Variants in TIAM1 observed in about 807,000 individuals in gnomAD.
The protein encoded by TIAM1 is rho guanine nucleotide exchange factor TIAM1.
In TIAM1, 65 loss-of-function variants were observed where a neutral mutation model predicts 163.5. The ratio of observed to expected loss-of-function variants is 0.40; its 90% CI spans 0.33 to 0.49. The LOEUF is 0.49. Ranked by LOEUF, TIAM1 falls within the 20% of genes least tolerant of loss-of-function variation. TIAM1 has a pLI of 0.77. For synonymous variants in TIAM1, 833 were observed against 810.1 expected, an observed-to-expected ratio of 1.03 and a Z score of -0.48; for missense variants, 1,789 against 2,044.7, an observed-to-expected ratio of 0.87 and a Z score of 2.41.
intron 2 of TIAM1, among the ~76,000 whole-genome samples, chr21:31,409,314 T>C (rs923929029): frequency 6.6e-6 from 1 of 152,052 alleles, no homozygotes; most frequent in African/African-American, 2.4e-5. Context: ...TTCACTATGT[T>C]GGCCAGGCTG....
At chr21:31,218,895 TA>T (rs1305154324) in intron 8 of TIAM1, among the ~76,000 whole-genome samples, 1 of 152,114 alleles carries the variant, frequency 6.6e-6, no homozygotes, top group Non-Finnish European at 1.5e-5. Context: ...GAAGGCACCT[TA>T]CCAGACTTGC....
chr21:31,442,232 G>GT (rs904586823), intron 2 of TIAM1, among the ~76,000 whole-genome samples: 5,994 of 124,898 alleles, frequency 0.048, 217 homozygotes, highest in African/African-American at 0.08. Context: ...GGAGTAGGGA[G>GT]TTTTTTTTTT....
chr21:31,146,263 T>C (rs1023333362), intron 20 of TIAM1, among the ~76,000 whole-genome samples: 1 of 151,594 alleles, frequency 6.6e-6, no homozygotes, highest in Non-Finnish European at 1.5e-5. Flanking sequence ...TGAAACCCCA[T>C]CTCTACCAAA....
chr21:31,173,611 C>T (rs923736190), intron 15 of TIAM1, among the ~76,000 whole-genome samples: 10 of 152,096 alleles, frequency 6.6e-5, no homozygotes, highest in African/African-American at 2.4e-4. Flanking sequence ...CAAATAATAA[C>T]TCCTTTTTAA....
At chr21:31,530,959 A>C (rs1317948079) in intron 1 of TIAM1, among the ~76,000 whole-genome samples, 1 of 152,118 alleles carries the variant, frequency 6.6e-6, no homozygotes, top group Non-Finnish European at 1.5e-5. Context: ...AGTCAATCAC[A>C]GCGCCACTGA....
chr21:31,304,137 CAT>C (rs2074606142), intron 2 of TIAM1, among the ~76,000 whole-genome samples: 1 of 152,140 alleles, frequency 6.6e-6, no homozygotes, highest in Non-Finnish European at 1.5e-5. Flanking sequence ...GAGCTACACA[CAT>C]GTTCATATAC....
At chr21:31,469,653 C>A (rs893819653) in intron 1 of TIAM1, among the ~76,000 whole-genome samples, 1 of 151,786 alleles carries the variant, frequency 6.6e-6, no homozygotes, top group East Asian at 2.0e-4. Flanking sequence ...ACGGTGAAAC[C>A]CCATTTCTAC....
intron 2 of TIAM1, among the ~76,000 whole-genome samples, chr21:31,311,953 C>T (rs927596899): frequency 7.2e-5 from 11 of 152,210 alleles, no homozygotes; most frequent in African/African-American, 2.7e-4. Flanking sequence ...GCTAAGTCTT[C>T]TGGCCTCCAT....
intron 15 of TIAM1, among the ~76,000 whole-genome samples, chr21:31,167,211 C>A (rs2084276605): frequency 6.6e-6 from 1 of 151,318 alleles, no homozygotes; most frequent in Non-Finnish European, 1.5e-5. Flanking sequence ...CCTGCCTCAG[C>A]CTCCCCAGTA....
At chr21:31,225,112 C>G (rs1156529827) in intron 7 of TIAM1, among the ~76,000 whole-genome samples, 1 of 152,076 alleles carries the variant, frequency 6.6e-6, no homozygotes, top group Non-Finnish European at 1.5e-5. Context: ...CTCTGCCTCC[C>G]AGGCTCAGGC....
At position 31,171,056 on chromosome 21, in the gene TIAM1, A is replaced by C. The variant is rs1002261240; in HGVS notation, c.2888-5991T>G. Among the ~76,000 whole-genome samples, 17 of 151,128 alleles carry C rather than the reference A, an allele frequency of 1.1e-4. No individual in the cohort carries two copies. In the East Asian group the frequency reaches 2.3e-3, roughly 21 times the overall value. On this transcript the variant is annotated intron_variant, in intron 15 of 27. Coordinates refer to ENST00000541036, the MANE Select transcript of TIAM1 (RefSeq NM_001353694.2). ...ATCTCAAAAAAAAAAAAAAAAAAAAAAAAAAATTGGGGGCCATCTGTATAT... is the reference window on the plus strand; with the variant it reads ...ATCTCAAAAAAAAAAAAAAAAAAAACAAAAAATTGGGGGCCATCTGTATAT...
At chr21:31,441,566 T>C (rs1004595836) in intron 2 of TIAM1, among the ~76,000 whole-genome samples, 8 of 152,226 alleles carry the variant, frequency 5.3e-5, no homozygotes, top group African/African-American at 1.7e-4. Context: ...AATCACCATT[T>C]GGTAAAGAAC....
At chr21:31,393,829 C>T (rs1374992764) in intron 2 of TIAM1, among the ~76,000 whole-genome samples, 1 of 152,102 alleles carries the variant, frequency 6.6e-6, no homozygotes. Flanking sequence ...ATATAATAAC[C>T]ATATGGCCTG....
intron 6 of TIAM1, among the ~76,000 whole-genome samples, chr21:31,233,412 TAA>T (rs1464164680): frequency 2.6e-5 from 4 of 152,172 alleles, no homozygotes; most frequent in African/African-American, 9.7e-5. Flanking sequence ...TTAATATCTG[TAA>T]AGAGAACTTA....
intron 14 of TIAM1, among the ~76,000 whole-genome samples, chr21:31,186,592 C>A (rs1314816858): frequency 2.0e-5 from 3 of 151,886 alleles, no homozygotes; most frequent in Non-Finnish European, 2.9e-5. Flanking sequence ...GGCAACACAG[C>A]AAGACCCCTG....
At chr21:31,223,667 A>T in intron 7 of TIAM1, 76 bp from the exon 8 acceptor site, 1 of 1,419,298 alleles carries the variant, frequency 7.0e-7, no homozygotes, top group African/African-American at 1.4e-5. Context: ...TCCTATACAG[A>T]TCTATATGTC....
intron 2 of TIAM1, among the ~76,000 whole-genome samples, chr21:31,285,628 G>A (rs2073774911): frequency 6.6e-6 from 1 of 152,180 alleles, no homozygotes; most frequent in African/African-American, 2.4e-5. Flanking sequence ...GGGGGGCCAA[G>A]GTGGGTGGAT....
In TIAM1 at chr21:31,182,544, G is replaced by C; in HGVS notation, c.2764C>G (p.Leu922Val). The C allele has an allele frequency of 1.9e-6, 3 of 1,614,106 alleles. No individual in the cohort carries two copies. Among genetic ancestry groups the C allele is most frequent in the Non-Finnish European group, 2.5e-6 (3 of 1,179,988 alleles). The change falls in exon 15 of 28, where the codon CTC becomes GTC. Residue 922 changes from leucine to valine, a missense_variant. Physicochemically the swap from Leu to Val is conservative, Grantham distance 32 (BLOSUM62 1). Coordinates refer to ENST00000541036, the MANE Select transcript of TIAM1 (RefSeq NM_001353694.2). ...AGCTCGGGGTAGGTCCTCACCAGGA[G>C]GCCCAGCGAGGGCTGTGAGAGGAAA... ...KDFLSQPSLG[L>V]LVRTYPELEE...
Position 31,409,219 on chromosome 21 carries a change from C to G in TIAM1, c.-369+54764G>C, listed in dbSNP as rs1181998431. Among the ~76,000 whole-genome samples, 4 of 152,110 alleles carry G rather than the reference C, an allele frequency of 2.6e-5. No individual in the cohort carries two copies. In the East Asian group the frequency reaches 5.8e-4, roughly 22 times the overall value. On this transcript the variant is annotated intron_variant, in intron 2 of 28. Coordinates refer to the TIAM1 transcript ENST00000286827. Reference sequence around the variant, plus strand: ...ACCACCTCCTGGGTTCAAGGATTCTCCTGCCTCAGCCTCTCCAGTAGCTGG... The same window carrying G: ...ACCACCTCCTGGGTTCAAGGATTCTGCTGCCTCAGCCTCTCCAGTAGCTGG...
Sources: allele counts gnomAD v4.1 joint callset (sites outside exome capture counted in the v4.1 genomes callset), GRCh38; gene constraint gnomAD v4.1.1; transcripts MANE v1.5; gene names NCBI Gene and HGNC (gene_info 2026-07-23, HGNC 2026-07-21).